Variants in PPP4R4 observed in about 807,000 individuals in gnomAD.
The protein encoded by PPP4R4 is protein phosphatase 4 regulatory subunit 4, also known as serine/threonine-protein phosphatase 4 regulatory subunit 4.
In PPP4R4, 70 loss-of-function variants were observed where a neutral mutation model predicts 121.8. The ratio of observed to expected loss-of-function variants is 0.57; its 90% CI spans 0.47 to 0.70. The LOEUF (loss-of-function observed/expected upper bound fraction) is 0.70. Among genes scored for constraint, PPP4R4 ranks in the 30% least tolerant of loss-of-function variants. The pLI, the probability that PPP4R4 is intolerant of heterozygous loss-of-function variation, is 0.00. For missense variants in PPP4R4, 875 were observed against 1,033.6 expected (o/e 0.85, Z 2.10); for synonymous variants, 348 against 355.7 (o/e 0.98, Z 0.24).
At chr14:94,222,307 C>T (rs1363822658) in intron 3 of PPP4R4, among the ~76,000 whole-genome samples, 1 of 151,792 alleles carries the variant, frequency 6.6e-6, no homozygotes, top group South Asian at 2.1e-4. Flanking sequence ...TTGGAAGTTA[C>T]AGACTCTTTT....
At chr14:94,243,501 T>C (rs1892737026) in intron 11 of PPP4R4, among the ~76,000 whole-genome samples, 1 of 152,220 alleles carries the variant, frequency 6.6e-6, no homozygotes, top group Non-Finnish European at 1.5e-5. Context: ...AGTCTGAGAA[T>C]GCAGTATTTA....
In PPP4R4 at chr14:94,275,531, C is replaced by G; in HGVS notation, c.2597+10C>G. On this transcript the variant is annotated intron_variant, in intron 24 of 24. Coordinates refer to ENST00000304338, the MANE Select transcript of PPP4R4 (RefSeq NM_058237.2). The stretch of plus-strand genomic sequence containing the variant: ...CACGGAAGGCTACCTTGTAAGTAAT[C>G]AAGTGATGTCAGACTGAGTGTATTA... 6.2e-7 allele frequency: 1 copy of G among 1,613,528 alleles called. No individual in the cohort carries two copies. The highest frequency in any genetic ancestry group is 8.5e-7 in the Non-Finnish European group (1 of 1,179,586).
chr14:94,206,103 T>C (rs1425142144), intron 2 of PPP4R4, among the ~76,000 whole-genome samples: 1 of 151,960 alleles, frequency 6.6e-6, no homozygotes, highest in Non-Finnish European at 1.5e-5. Flanking sequence ...TGTCTGTTTT[T>C]CTTTTCAGTC....
chr14:94,263,706 G>C (rs1595540756), intron 19 of PPP4R4, among the ~76,000 whole-genome samples: 2 of 152,276 alleles, frequency 1.3e-5, no homozygotes, highest in East Asian at 3.9e-4. Flanking sequence ...CAAGATAACT[G>C]TGATTAATAT....
intron 3 of PPP4R4, among the ~76,000 whole-genome samples, chr14:94,230,319 T>G (rs1891945467): frequency 6.6e-6 from 1 of 152,232 alleles, no homozygotes; most frequent in Non-Finnish European, 1.5e-5. Flanking sequence ...TAAAGGTTTA[T>G]GTACTGTTTA....
At position 94,237,145 on chromosome 14, in the gene PPP4R4, G is replaced by A. The variant is rs189934801; in HGVS notation, c.732-420G>A. ...TTAGTTACCATAATTTCATGTATTA[G>A]GTGAATGGAAAATAATTTATACCCT... On this transcript the variant is annotated intron_variant, in intron 7 of 24. Coordinates refer to ENST00000304338, the MANE Select transcript of PPP4R4 (RefSeq NM_058237.2). 1.3e-3 allele frequency among the ~76,000 whole-genome samples: 193 copies of A among 152,126 alleles called. 1 individual carries two copies. Among genetic ancestry groups the A allele is most frequent in the Non-Finnish European group, 9.1e-4 (62 of 67,974 alleles).
intron 2 of PPP4R4, among the ~76,000 whole-genome samples, chr14:94,181,228 GTGTA>G (rs1423045255): frequency 6.6e-6 from 1 of 152,082 alleles, no homozygotes; most frequent in African/African-American, 2.4e-5. Context: ...TTGTGTGTGT[GTGTA>G]TGTGTGTGTG....
intron 11 of PPP4R4, 51 bp from the exon 12 acceptor site, chr14:94,244,584 T>C (rs1892793138): frequency 1.5e-6 from 2 of 1,339,006 alleles, no homozygotes; most frequent in Middle Eastern, 2.2e-4. Context: ...TATTGTAACC[T>C]GTATCTGTCT....
At chr14:94,225,192 T>C (rs549586479) in intron 3 of PPP4R4, among the ~76,000 whole-genome samples, 64 of 151,748 alleles carry the variant, frequency 4.2e-4, no homozygotes, top group African/African-American at 9.9e-4. Context: ...TCTAATCAAC[T>C]CTCTTGGCAA....
chr14:94,220,408 G>T (rs998276775), intron 3 of PPP4R4, among the ~76,000 whole-genome samples: 30 of 151,804 alleles, frequency 2.0e-4, no homozygotes, highest in African/African-American at 7.3e-4. Flanking sequence ...AGCCAGTACA[G>T]TAAGGCAACA....
Position 94,278,736 on chromosome 14 carries a change from T to A in PPP4R4, c.*93T>A. ...AAAGCAGTGGCTGGGGCTTTGTTTT[T>A]AAATTTTGGGTTTTTTTTTTTGTTG... On this transcript the variant is annotated 3_prime_UTR_variant, in exon 25 of 25. Transcript: ENST00000304338. 7.8e-7 allele frequency: 1 copy of A among 1,286,046 alleles called. No individual in the cohort carries two copies. The allele number at this position is 1,286,046 out of a possible 1,614,324, so 79.7% of individuals were successfully genotyped here.
chr14:94,182,868 C>T (rs957376698), intron 2 of PPP4R4, among the ~76,000 whole-genome samples: 1 of 152,088 alleles, frequency 6.6e-6, no homozygotes, highest in Admixed American at 6.6e-5. Context: ...TGTGCTTTGA[C>T]CAGTTTGTAC....
chr14:94,197,612 A>G (rs1889953750), intron 2 of PPP4R4, among the ~76,000 whole-genome samples: 1 of 152,170 alleles, frequency 6.6e-6, no homozygotes, highest in South Asian at 2.1e-4. Flanking sequence ...GGGGAATTTG[A>G]TGACTTTTCA....
intron 3 of PPP4R4, among the ~76,000 whole-genome samples, chr14:94,210,340 C>T (rs1021190855): frequency 2.0e-5 from 3 of 150,840 alleles, no homozygotes; most frequent in Non-Finnish European, 4.4e-5. Context: ...ATTATACACT[C>T]ATATGTATAG....
At chr14:94,176,999 C>G (rs1210743867) in intron 2 of PPP4R4, among the ~76,000 whole-genome samples, 1 of 151,934 alleles carries the variant, frequency 6.6e-6, no homozygotes, top group Non-Finnish European at 1.5e-5. Flanking sequence ...GTTTCAGGTA[C>G]TGGCAAGTTT....
At chr14:94,207,270 TG>T (rs1890507172) in intron 2 of PPP4R4, among the ~76,000 whole-genome samples, 1 of 152,030 alleles carries the variant, frequency 6.6e-6, no homozygotes, top group African/African-American at 2.4e-5. Flanking sequence ...CCATTTGGCA[TG>T]GGTTCTCTAT....
Position 94,241,828 on chromosome 14 carries a change from T to A in PPP4R4, c.1017T>A (p.Phe339Leu), listed in dbSNP as rs778681337. Residue 339 changes from phenylalanine (F) to leucine (L), a missense_variant, in exon 10 of 25, where the codon TTT becomes TTA. Phe to Leu is a conservative substitution (Grantham distance 22, BLOSUM62 0). Coordinates refer to ENST00000304338, the MANE Select transcript of PPP4R4 (RefSeq NM_058237.2). ...TPDQHLRFLE[F>L]YKKLCTLGLQ... ...ATCAGCACTTGAGATTTTTGGAATT[T>A]TATAAGAAACTTTGTACATTGGGTT... 3.1e-6 allele frequency: 5 copies of A among 1,598,346 alleles called. No homozygotes were observed. The highest frequency in any genetic ancestry group is 1.8e-5 in the Admixed American group (1 of 55,442).
At chr14:94,231,089 C>G in intron 4 of PPP4R4, among the ~76,000 whole-genome samples, 153 bp from the exon 5 acceptor site, 1 of 152,092 alleles carries the variant, frequency 6.6e-6, no homozygotes. Flanking sequence ...TAGATGTTGA[C>G]TGAGACAAAA....
Position 94,195,687 on chromosome 14 carries a change from T to C in PPP4R4, c.192-12777T>C, listed in dbSNP as rs541694351. ...CCTAAATGATGATTAAAAAAAAATG[T>C]CCCTAGACCATGAGTAGAGGGGAGG... On this transcript the variant is annotated intron_variant, in intron 2 of 24. Transcript: ENST00000304338. Among the ~76,000 whole-genome samples the C allele has an allele frequency of 9.9e-5, 15 of 151,822 alleles. No individual in the cohort carries two copies. In the South Asian group the frequency reaches 2.9e-3, roughly 30 times the overall value.
Sources: allele counts gnomAD v4.1 joint callset (sites outside exome capture counted in the v4.1 genomes callset), GRCh38; gene constraint gnomAD v4.1.1; transcripts MANE v1.5; gene names NCBI Gene and HGNC (gene_info 2026-07-23, HGNC 2026-07-21).